Variants in SLC17A6 observed in about 807,000 individuals in gnomAD.
SLC17A6 encodes the protein solute carrier family 17 member 6, also known as vesicular glutamate transporter 2.
SLC17A6 carries 35 observed loss-of-function variants against 67.1 expected under a neutral mutation model. That is an observed-to-expected ratio of 0.52 (90% confidence interval 0.40 to 0.69). The LOEUF is 0.69. Ranked by LOEUF, SLC17A6 falls within the 30% of genes least tolerant of loss-of-function variation. The probability of loss-of-function intolerance (pLI) is 0.00; values close to 1 mark genes in which losing one functional copy is unlikely to be tolerated. For missense variants in SLC17A6, 588 were observed against 723.9 expected (o/e 0.81, Z 2.15); for synonymous variants, 285 against 252.3 (o/e 1.13, Z -1.23).
chr11:22,361,733 C>T (rs907863299), intron 5 of SLC17A6, among the ~76,000 whole-genome samples: 3 of 152,108 alleles, frequency 2.0e-5, no homozygotes, highest in South Asian at 2.1e-4. Context: ...TTGTTGCTAA[C>T]TTTTAAAACA....
chr11:22,359,308 C>T (rs887874260), intron 3 of SLC17A6, 105 bp from the exon 4 acceptor site: 8 of 587,510 alleles, frequency 1.4e-5, no homozygotes, highest in East Asian at 3.4e-5. Flanking sequence ...AAATTATTGG[C>T]GATTTTTTTA....
rs1464155058 is a variant in SLC17A6 at position 22,378,838 on chromosome 11, G to GTC, written c.*1106_*1107dup. 2 of 151,856 alleles carry GTC rather than the reference G, an allele frequency of 1.3e-5. No homozygotes were observed. The highest frequency in any genetic ancestry group is 4.8e-5 in the African/African-American group (2 of 41,378). The allele number at this position is 151,856 out of a possible 1,614,324, so 9.4% of individuals were successfully genotyped here. A position where few individuals can be genotyped will look rare whatever the true frequency, so the allele number is the denominator to read the frequency against. On this transcript the variant is annotated 3_prime_UTR_variant, in exon 12 of 12. Coordinates refer to ENST00000263160, the MANE Select transcript of SLC17A6 (RefSeq NM_020346.3). ...TAGGACAATACATTATATTAAAATG[G>GTC]TCTCTCTCTATATATATCTGTATAT...
intron 7 of SLC17A6, among the ~76,000 whole-genome samples, chr11:22,368,640 G>T (rs867535285): frequency 6.6e-6 from 1 of 152,104 alleles, no homozygotes; most frequent in Non-Finnish European, 1.5e-5. Flanking sequence ...ACAGGGAAAA[G>T]TTCTTTTACT....
chr11:22,371,737 C>A (rs1306378419), intron 8 of SLC17A6, among the ~76,000 whole-genome samples: 3 of 151,776 alleles, frequency 2.0e-5, no homozygotes, highest in Non-Finnish European at 4.4e-5. Context: ...AATCAACCAG[C>A]AGATGGGTTG....
intron 9 of SLC17A6, 24 bp from the exon 10 acceptor site, chr11:22,375,958 A>G: frequency 6.4e-7 from 1 of 1,562,840 alleles, no homozygotes; most frequent in East Asian, 2.3e-5. Context: ...TTTCTGAAGA[A>G]TTTCTATGTG....
intron 3 of SLC17A6, among the ~76,000 whole-genome samples, chr11:22,353,349 A>C (rs1855963039): frequency 1.3e-5 from 2 of 151,992 alleles, no homozygotes; most frequent in African/African-American, 4.8e-5. Context: ...AGTGTAACCA[A>C]AACAAAACAA....
At chr11:22,353,460 G>A (rs1022093115) in intron 3 of SLC17A6, among the ~76,000 whole-genome samples, 4 of 151,860 alleles carry the variant, frequency 2.6e-5, no homozygotes, top group Admixed American at 2.0e-4. Context: ...AAGAATTTAA[G>A]TAATGACAAC....
At chr11:22,341,918 G>A (rs557395611) in intron 2 of SLC17A6, 138 bp downstream of exon 2, 24 of 1,277,016 alleles carry the variant, frequency 1.9e-5, no homozygotes, top group Non-Finnish European at 2.4e-5. Context: ...TGGCTCTGCC[G>A]TTCTAGAATG....
At chr11:22,348,345 G>C (rs1855901366) in intron 3 of SLC17A6, among the ~76,000 whole-genome samples, 1 of 152,280 alleles carries the variant, frequency 6.6e-6, no homozygotes, top group Non-Finnish European at 1.5e-5. Context: ...CCTTTAGCGG[G>C]CCCAAGGGAT....
rs1381911811 is a variant in SLC17A6 at position 22,378,960 on chromosome 11, A to G, written c.*1220A>G. The G allele has an allele frequency of 6.6e-6, 1 of 152,510 alleles. No individual in the cohort carries two copies. Among genetic ancestry groups the G allele is most frequent in the Non-Finnish European group, 1.5e-5 (1 of 67,972 alleles). The allele number at this position is 152,510 out of a possible 1,614,324, so 9.4% of individuals were successfully genotyped here. A position where few individuals can be genotyped will look rare whatever the true frequency, so the allele number is the denominator to read the frequency against. On this transcript the variant is annotated 3_prime_UTR_variant, in exon 12 of 12. Coordinates refer to ENST00000263160, the MANE Select transcript of SLC17A6 (RefSeq NM_020346.3). ...GTTGGGTTAGGGAATTGCAATTTCT[A>G]CTTTCATAGAGTCATAGAATTTTAG...
chr11:22,375,930 T>C (rs1209338707), intron 9 of SLC17A6, 52 bp from the exon 10 acceptor site: 84 of 1,332,750 alleles, frequency 6.3e-5, no homozygotes, highest in Middle Eastern at 1.9e-4. Flanking sequence ...TTTTGGCTCA[T>C]TGGTAAAATT....
Position 22,377,761 on chromosome 11 carries a change from A to G in SLC17A6, c.*21A>G. ...CATAACAAAACTAATTACTGGATTT[A>G]TTTTTAGTGTTTGTGATTAAATTCA... On this transcript the variant is annotated 3_prime_UTR_variant, in exon 12 of 12. Coordinates refer to ENST00000263160, the MANE Select transcript of SLC17A6 (RefSeq NM_020346.3). The G allele has an allele frequency of 6.6e-7, 1 of 1,512,898 alleles. No individual in the cohort carries two copies. Among genetic ancestry groups the G allele is most frequent in the African/African-American group, 1.4e-5 (1 of 71,172 alleles). 93.7% of individuals were successfully genotyped at this position (1,512,898 alleles called of 1,614,324 possible).
Position 22,346,529 on chromosome 11 carries a change from C to T in SLC17A6, c.458+3164C>T, listed in dbSNP as rs576099473. Among the ~76,000 whole-genome samples the T allele has an allele frequency of 1.5e-3, 221 of 152,028 alleles. 2 individuals carry two copies. The highest frequency in any genetic ancestry group is 5.9e-5 in the Non-Finnish European group (4 of 67,998). On this transcript the variant is annotated intron_variant, in intron 3 of 11. Coordinates refer to ENST00000263160, the MANE Select transcript of SLC17A6 (RefSeq NM_020346.3). ...TGTCTTCCCTTAAAGAGCTATTGCA[C>T]ATTATGGGCTGGAGAATTTAGTCAC...
intron 3 of SLC17A6, among the ~76,000 whole-genome samples, chr11:22,357,854 C>A (rs1378851907): frequency 6.6e-6 from 1 of 152,108 alleles, no homozygotes; most frequent in African/African-American, 2.4e-5. Flanking sequence ...TTTGGGCAAA[C>A]AGCACAGAGG....
intron 2 of SLC17A6, chr11:22,342,998 T>G (rs1196569520): frequency 1.7e-6 from 1 of 581,350 alleles, no homozygotes; most frequent in Non-Finnish European, 3.2e-6. Flanking sequence ...TCGATCTGCC[T>G]GACAGTAGTC....
In SLC17A6 at chr11:22,377,705, T is replaced by C; in HGVS notation, c.1714T>C (p.Ser572Pro). The change falls in exon 12 of 12, where the codon TCA (serine) becomes CCA (proline). Residue 572 changes from serine (S) to proline (P), a missense_variant. Physicochemically the swap from Ser to Pro is moderately conservative, Grantham distance 74 (BLOSUM62 -1). This residue lies in a region of SLC17A6 where 414 missense variants were observed against 563.4 expected (regional missense o/e 0.73). Coordinates refer to ENST00000263160, the MANE Select transcript of SLC17A6 (RefSeq NM_020346.3). ...EEFVQGEVQDSHSYKDRVDYS is the reference protein window; with the variant it reads ...EEFVQGEVQDPHSYKDRVDYS ...ATTTGTACAAGGAGAAGTACAAGAC[T>C]CACATAGCTATAAGGACCGAGTTGA... 1.2e-6 allele frequency: 2 copies of C among 1,603,750 alleles called. No individual in the cohort carries two copies. The highest frequency in any genetic ancestry group is 1.7e-6 in the Non-Finnish European group (2 of 1,175,702).
At chr11:22,366,832 C>T (rs1343134670) in intron 7 of SLC17A6, among the ~76,000 whole-genome samples, 4 of 151,744 alleles carry the variant, frequency 2.6e-5, no homozygotes, top group African/African-American at 7.3e-5. Flanking sequence ...TGGGAAACCC[C>T]GTCTCTACTA....
Position 22,377,830 on chromosome 11 carries a change from C to A in SLC17A6, c.*90C>A. The stretch of plus-strand genomic sequence containing the variant: ...TTTAAAAACACGTGATGTAAACTTG[C>A]AAGCATATCAACCAGGCAAGTCTTG... On this transcript the variant is annotated 3_prime_UTR_variant, in exon 12 of 12. Transcript: ENST00000263160. 1.9e-6 allele frequency: 2 copies of A among 1,051,998 alleles called. No individual in the cohort carries two copies. Among genetic ancestry groups the A allele is most frequent in the Non-Finnish European group, 2.7e-6 (2 of 740,908 alleles). The allele number at this position is 1,051,998 out of a possible 1,614,324, so 65.2% of individuals were successfully genotyped here.
intron 7 of SLC17A6, among the ~76,000 whole-genome samples, chr11:22,366,179 A>G (rs1170741563): frequency 6.6e-6 from 1 of 152,138 alleles, no homozygotes; most frequent in Admixed American, 6.5e-5. Context: ...TTTAATGTAT[A>G]AATTGGGTAT....
Sources: allele counts gnomAD v4.1 joint callset (sites outside exome capture counted in the v4.1 genomes callset), GRCh38; gene constraint gnomAD v4.1.1; regional missense constraint gnomAD v4.1.1; transcripts MANE v1.5; gene names NCBI Gene and HGNC (gene_info 2026-07-23, HGNC 2026-07-21).